LRMDA: variants seen among roughly 807,000 people sequenced by gnomAD.
LRMDA encodes the protein leucine-rich melanocyte differentiation-associated protein.
LRMDA carries 18 observed loss-of-function variants against 29.8 expected under a neutral mutation model. The observed-to-expected ratio is 0.60, with a 90% CI of 0.42 to 0.90. The LOEUF is 0.90. Among genes scored for constraint, LRMDA ranks in the 40% least tolerant of loss-of-function variants. The pLI is 0.00. For missense variants in LRMDA, 273 were observed against 273.9 expected, an observed-to-expected ratio of 1.00 and a Z score of 0.02; for synonymous variants, 125 against 109.4, an observed-to-expected ratio of 1.14 and a Z score of -0.89.
intron 2 of LRMDA, among the ~76,000 whole-genome samples, chr10:75,447,279 A>G (rs78096761): frequency 3.3e-5 from 5 of 152,202 alleles, no homozygotes; most frequent in African/African-American, 7.2e-5. Flanking sequence ...CAATGAAAAG[A>G]TGAAGTGGAA....
At chr10:76,439,535 G>A (rs554605908) in intron 6 of LRMDA, among the ~76,000 whole-genome samples, 1 of 152,260 alleles carries the variant, frequency 6.6e-6, no homozygotes, top group African/African-American at 2.4e-5. Flanking sequence ...CTAACACAAA[G>A]GAAAGGTGTT....
chr10:76,444,884 A>T (rs1479128473), intron 6 of LRMDA, among the ~76,000 whole-genome samples: 1 of 152,072 alleles, frequency 6.6e-6, no homozygotes, highest in African/African-American at 2.4e-5. Flanking sequence ...TAATATGTAA[A>T]AATTATATCT....
At chr10:76,384,277 A>G (rs1841633268) in intron 6 of LRMDA, among the ~76,000 whole-genome samples, 1 of 152,174 alleles carries the variant, frequency 6.6e-6, no homozygotes, top group African/African-American at 2.4e-5. Context: ...CTATTAACCA[A>G]TGTATTCATT....
At chr10:76,143,543 G>GT (rs1850249810) in intron 5 of LRMDA, among the ~76,000 whole-genome samples, 1 of 151,490 alleles carries the variant, frequency 6.6e-6, no homozygotes, top group South Asian at 2.1e-4. Flanking sequence ...GGGGTTGTTT[G>GT]TTTTTTTCTT....
At chr10:76,248,178 T>C (rs1852410196) in intron 5 of LRMDA, among the ~76,000 whole-genome samples, 1 of 152,142 alleles carries the variant, frequency 6.6e-6, no homozygotes, top group Admixed American at 6.5e-5. Flanking sequence ...TTTTTAATTT[T>C]TGTACCCCCA....
At chr10:76,319,845 A>C (rs1218144077) in intron 5 of LRMDA, among the ~76,000 whole-genome samples, 2 of 152,148 alleles carry the variant, frequency 1.3e-5, no homozygotes, top group Non-Finnish European at 2.9e-5. Context: ...GAGCTGAGTG[A>C]TGGGGAATGA....
chr10:75,969,627 T>C lies in LRMDA; in HGVS notation c.132-66381T>C, dbSNP rs144881230. Among the ~76,000 whole-genome samples, 18 of 152,338 alleles carry C rather than the reference T, an allele frequency of 1.2e-4. No homozygotes were observed. The East Asian group carries it at 3.5e-3, about 29-fold the overall frequency. ...CCTTTTTTCTTCTTGGTACCTTTCA[T>C]CAGTTTTGACACCTTTAGAAGCATC... On this transcript the variant is annotated intron_variant, in intron 2 of 6. Transcript: ENST00000611255.
At chr10:75,670,539 G>GT (rs1394725104) in intron 2 of LRMDA, among the ~76,000 whole-genome samples, 2 of 152,210 alleles carry the variant, frequency 1.3e-5, no homozygotes, top group Non-Finnish European at 2.9e-5. Context: ...CATGTAGATG[G>GT]TGAGGAGCTG....
intron 5 of LRMDA, among the ~76,000 whole-genome samples, chr10:76,310,376 T>C (rs1446719680): frequency 6.6e-6 from 1 of 152,138 alleles, no homozygotes; most frequent in Non-Finnish European, 1.5e-5. Context: ...GCCTTTACCT[T>C]CCCAATTTAG....
intron 6 of LRMDA, among the ~76,000 whole-genome samples, chr10:76,404,946 C>T (rs537912587): frequency 6.6e-6 from 1 of 152,062 alleles, no homozygotes; most frequent in Non-Finnish European, 1.5e-5. Flanking sequence ...AAGGAAGGGT[C>T]CACAAGCCAA....
intron 6 of LRMDA, among the ~76,000 whole-genome samples, chr10:76,513,995 T>C (rs1843035301): frequency 6.6e-6 from 1 of 152,154 alleles, no homozygotes; most frequent in African/African-American, 2.4e-5. Context: ...GAACAAATAG[T>C]ATTAGGGTAA....
intron 5 of LRMDA, among the ~76,000 whole-genome samples, chr10:76,137,905 T>TG (rs928912211): frequency 3.9e-5 from 6 of 151,960 alleles, no homozygotes; most frequent in East Asian, 3.9e-4. Flanking sequence ...AGGGGTTGGC[T>TG]GGGGGGACTG....
At chr10:75,991,298 C>T (rs534853191) in intron 2 of LRMDA, among the ~76,000 whole-genome samples, 3 of 152,214 alleles carry the variant, frequency 2.0e-5, no homozygotes, top group South Asian at 2.1e-4. Flanking sequence ...TTAAAAAATA[C>T]GGTCTCAGAA....
chr10:76,446,070 A>T (rs1314694589), intron 6 of LRMDA, among the ~76,000 whole-genome samples: 1 of 152,200 alleles, frequency 6.6e-6, no homozygotes, highest in African/African-American at 2.4e-5. Context: ...GTAGATCTGT[A>T]TACAGCTATA....
chr10:75,619,431 T>C (rs1841151418), intron 2 of LRMDA, among the ~76,000 whole-genome samples: 1 of 152,086 alleles, frequency 6.6e-6, no homozygotes. Context: ...AGCCCGTGAG[T>C]AGGTTTGCAG....
At chr10:75,916,907 T>C (rs1330620213) in intron 2 of LRMDA, among the ~76,000 whole-genome samples, 4 of 152,238 alleles carry the variant, frequency 2.6e-5, no homozygotes, top group African/African-American at 9.6e-5. Context: ...TTAGCCTTTT[T>C]AGCCTAGGGG....
rs181110316 is a variant in LRMDA, at chr10:76,451,451, C to T, written c.602-105758C>T. Among the ~76,000 whole-genome samples the T allele has an allele frequency of 7.7e-4, 117 of 152,188 alleles. 1 individual carries two copies. The highest frequency in any genetic ancestry group is 7.1e-3 in the Admixed American group (109 of 15,294). ...TGATCTCCTGACCTCGTGATCCGCC[C>T]GCCTCGGCCTCCCAAAGTGCTGGGA... On this transcript the variant is annotated intron_variant, in intron 6 of 6. Transcript: ENST00000611255.
chr10:75,988,111 T>A (rs999841601), intron 2 of LRMDA, among the ~76,000 whole-genome samples: 12 of 152,204 alleles, frequency 7.9e-5, no homozygotes, highest in Non-Finnish European at 1.8e-4. Flanking sequence ...CCTCTTAGGA[T>A]GTTGTGTTTG....
chr10:76,092,137 T>A (rs1229527242), intron 5 of LRMDA, among the ~76,000 whole-genome samples: 1 of 152,186 alleles, frequency 6.6e-6, no homozygotes, highest in African/African-American at 2.4e-5. Flanking sequence ...CCCCTGAAGG[T>A]TAAATGGTGA....
Sources: gnomAD v4.1 joint callset for allele counts (sites outside exome capture counted in the v4.1 genomes callset) on GRCh38, gnomAD v4.1.1 for gene constraint, MANE v1.5 for transcripts, NCBI Gene and HGNC (gene_info 2026-07-23, HGNC 2026-07-21) for gene names.